Variants in PRKAR1A observed in about 807,000 individuals in gnomAD.
PRKAR1A encodes cAMP-dependent protein kinase type I-alpha regulatory subunit.
In PRKAR1A, 3 loss-of-function variants were observed where a neutral mutation model predicts 52.0. That is an observed-to-expected ratio of 0.06 (90% CI 0.03 to 0.15). The LOEUF (loss-of-function observed/expected upper bound fraction) is 0.15, where lower values mean the gene tolerates loss of function less well. Among genes scored for constraint, PRKAR1A ranks in the 10% least tolerant of loss-of-function variants. The pLI, the probability that PRKAR1A is intolerant of heterozygous loss-of-function variation, is 1.00. For synonymous variants in PRKAR1A, 188 were observed against 168.4 expected (o/e 1.12, Z -0.90); for missense variants, 240 against 477.4 (o/e 0.50, Z 4.63).
upstream of PRKAR1A, chr17:68,512,428 G>C (rs1040753223): frequency 1.3e-5 from 2 of 153,076 alleles, no homozygotes; most frequent in African/African-American, 4.8e-5. Flanking sequence ...GCCGTTTCCG[G>C]TGGAGCTGTC....
At position 68,532,259 on chromosome 17, in the gene PRKAR1A, T is replaced by C. The variant is rs1600500841; in HGVS notation, c.*1810T>C. On this transcript the variant is annotated 3_prime_UTR_variant, in exon 11 of 11. Transcript: ENST00000589228. ...CAAGCTTAAAGCTTGATTTGATCTT[T>C]GTTTAAATGCCAAAATGTACTTAAA... 9.6e-7 allele frequency: 1 copy of C among 1,044,796 alleles called. No individual in the cohort carries two copies. The highest frequency in any genetic ancestry group is 5.0e-5 in the East Asian group (1 of 19,804). 64.7% of individuals were successfully genotyped at this position (1,044,796 alleles called of 1,614,324 possible).
chr17:68,544,099 T>G (rs758927222), intron 11 of PRKAR1A, among the ~76,000 whole-genome samples: 36 of 152,076 alleles, frequency 2.4e-4, no homozygotes, highest in Admixed American at 9.2e-4. Flanking sequence ...GTAGTGCAGA[T>G]CCAGATGTCC....
the PRKAR1A span, among the ~76,000 whole-genome samples, chr17:68,458,203 C>T: frequency 1.3e-5 from 2 of 152,100 alleles, no homozygotes; most frequent in Non-Finnish European, 2.9e-5. Flanking sequence ...CCAAGCGCGC[C>T]GTACTATGTA....
the PRKAR1A span, among the ~76,000 whole-genome samples, chr17:68,486,039 TAA>T: frequency 6.6e-6 from 1 of 152,142 alleles, no homozygotes; most frequent in Non-Finnish European, 1.5e-5. Flanking sequence ...GTGCCCAGCC[TAA>T]GTTTCAGTGA....
At chr17:68,482,446 A>G in the PRKAR1A span, among the ~76,000 whole-genome samples, 1 of 152,236 alleles carries the variant, frequency 6.6e-6, no homozygotes, top group Non-Finnish European at 1.5e-5. Flanking sequence ...TAATATAGAA[A>G]CAAGGATTAT....
Position 68,530,646 on chromosome 17 carries a change from A to C in PRKAR1A, c.*197A>C. ...CTAAATGCTCATACACAGTTAAATA[A>C]ATAGAAAGAGTTCTATGGAGACTTT... On this transcript the variant is annotated 3_prime_UTR_variant, in exon 11 of 11. Coordinates refer to ENST00000589228, the MANE Select transcript of PRKAR1A (RefSeq NM_002734.5). 1 of 1,482,558 alleles carries C rather than the reference A, an allele frequency of 6.7e-7. No individual in the cohort carries two copies. The highest frequency in any genetic ancestry group is 8.9e-7 in the Non-Finnish European group (1 of 1,119,024). 91.8% of individuals were successfully genotyped at this position (1,482,558 alleles called of 1,614,324 possible). A position where few individuals can be genotyped will look rare whatever the true frequency, so the allele number is the denominator to read the frequency against.
In PRKAR1A at chr17:68,525,070, A is replaced by G. The variant is rs2143310048; in HGVS notation, c.549+112A>G. On this transcript the variant is annotated intron_variant, in intron 6 of 10. Transcript: ENST00000589228. ...GGTCATTACATCCCTTGTATGTCAG[A>G]TTTTATTAATACCTTTTGCCAAGTA... 11 of 844,080 alleles carry G rather than the reference A, an allele frequency of 1.3e-5. No individual in the cohort carries two copies. The East Asian group carries it at 2.7e-4, about 21-fold the overall frequency. The allele number at this position is 844,080 out of a possible 1,614,324, so 52.3% of individuals were successfully genotyped here. A position where few individuals can be genotyped will look rare whatever the true frequency, so the allele number is the denominator to read the frequency against.
rs1009523606 is a variant in PRKAR1A at position 68,532,421 on chromosome 17, T to C, written c.*1972T>C. 1 of 1,060,546 alleles carries C rather than the reference T, an allele frequency of 9.4e-7. No individual in the cohort carries two copies. The highest frequency in any genetic ancestry group is 1.1e-6 in the Non-Finnish European group (1 of 874,730). 65.7% of individuals were successfully genotyped at this position (1,060,546 alleles called of 1,614,324 possible). On this transcript the variant is annotated 3_prime_UTR_variant, in exon 11 of 11. Coordinates refer to ENST00000589228, the MANE Select transcript of PRKAR1A (RefSeq NM_002734.5). ...TGGTTAAATCATTTGGCTTGCTGTT[T>C]ACTCCCTTCTGTAGTTTTTAATTAA...
chr17:68,496,595 G>C, the PRKAR1A span, among the ~76,000 whole-genome samples: 1 of 152,142 alleles, frequency 6.6e-6, no homozygotes, highest in East Asian at 1.9e-4. Context: ...GGACGTGGAC[G>C]TTCTTGCAGG....
At chr17:68,516,591 T>C (rs1297631896) in intron 2 of PRKAR1A, among the ~76,000 whole-genome samples, 1 of 152,178 alleles carries the variant, frequency 6.6e-6, no homozygotes, top group Non-Finnish European at 1.5e-5. Flanking sequence ...TAGTTTCTTA[T>C]AATCAGTATA....
At chr17:68,504,302 TA>T in the PRKAR1A span, among the ~76,000 whole-genome samples, 31,670 of 144,358 alleles carry the variant, frequency 0.22, 3,492 homozygotes, top group Middle Eastern at 0.26. Flanking sequence ...CCATCTCTAC[TA>T]AAAAAAAAAA....
At chr17:68,474,351 A>G in the PRKAR1A span, among the ~76,000 whole-genome samples, 1 of 152,138 alleles carries the variant, frequency 6.6e-6, no homozygotes, top group South Asian at 2.1e-4. Flanking sequence ...CTAACAAATA[A>G]AAAGGATGCT....
the PRKAR1A span, among the ~76,000 whole-genome samples, chr17:68,476,010 T>G: frequency 6.6e-6 from 1 of 152,128 alleles, no homozygotes; most frequent in African/African-American, 2.4e-5. Context: ...ATGCCTTCTG[T>G]GTAGTTTAAT....
the PRKAR1A span, among the ~76,000 whole-genome samples, chr17:68,454,460 G>C: frequency 3.3e-5 from 5 of 152,202 alleles, no homozygotes; most frequent in Admixed American, 6.5e-5. Flanking sequence ...GGGACACAGG[G>C]ATAGGGCAAC....
Position 68,524,922 on chromosome 17 carries a change from G to T in PRKAR1A, c.513G>T (p.Gly171=). 4 of 1,608,630 alleles carry T rather than the reference G, an allele frequency of 2.5e-6. No homozygotes were observed. The highest frequency in any genetic ancestry group is 3.4e-6 in the Non-Finnish European group (4 of 1,175,326). ...TTTACCCTCTTTTAGGTGATGAAGG[G>T]GATAACTTCTATGTGATTGATCAAG... is the stretch of plus-strand genomic sequence containing the variant. ...GETVIQQGDE[G]DNFYVIDQGE... The change falls in exon 6 of 11, where the codon GGG becomes GGT. Residue 171 remains glycine, a synonymous_variant. Coordinates refer to ENST00000589228, the MANE Select transcript of PRKAR1A (RefSeq NM_002734.5).
the PRKAR1A span, among the ~76,000 whole-genome samples, chr17:68,471,949 C>T: frequency 2.6e-5 from 4 of 152,210 alleles, no homozygotes; most frequent in South Asian, 2.1e-4. Flanking sequence ...TACAGGCACC[C>T]GCCACCACGC....
chr17:68,453,351 C>T, the PRKAR1A span, among the ~76,000 whole-genome samples: 1 of 152,196 alleles, frequency 6.6e-6, no homozygotes, highest in Non-Finnish European at 1.5e-5. Flanking sequence ...GAAAGCTCTA[C>T]CTCCAACACA....
At chr17:68,494,058 TTTC>T in the PRKAR1A span, among the ~76,000 whole-genome samples, 2 of 152,244 alleles carry the variant, frequency 1.3e-5, no homozygotes, top group South Asian at 4.1e-4. Flanking sequence ...TGATTTTAAT[TTTC>T]TTTTTTGTAT....
the PRKAR1A span, among the ~76,000 whole-genome samples, chr17:68,480,884 T>A: frequency 1.3e-5 from 2 of 152,246 alleles, no homozygotes; most frequent in Non-Finnish European, 2.9e-5. Context: ...GATAATTTTC[T>A]ACGTTTTTAC....
Sources: allele counts gnomAD v4.1 joint callset (sites outside exome capture counted in the v4.1 genomes callset), GRCh38; gene constraint gnomAD v4.1.1; transcripts MANE v1.5; gene names NCBI Gene and HGNC (gene_info 2026-07-23, HGNC 2026-07-21).